BTBD9: variants seen among roughly 807,000 people sequenced by gnomAD.
The protein encoded by BTBD9 is BTB domain containing 9.
A neutral mutation model predicts 64.3 loss-of-function variants in BTBD9; 49 were observed. The observed-to-expected ratio is 0.76, with a 90% CI of 0.61 to 0.97. The LOEUF (loss-of-function observed/expected upper bound fraction) is 0.97. Ranked by LOEUF, BTBD9 falls within the 50% of genes least tolerant of loss-of-function variation. The pLI is 0.00. For synonymous variants in BTBD9, 260 were observed against 274.7 expected, an observed-to-expected ratio of 0.95 and a Z score of 0.53; for missense variants, 598 against 762.1, an observed-to-expected ratio of 0.78 and a Z score of 2.53.
At chr6:38,569,779 G>A (rs942840404) in intron 6 of BTBD9, among the ~76,000 whole-genome samples, 3 of 151,876 alleles carry the variant, frequency 2.0e-5, no homozygotes, top group African/African-American at 7.3e-5. Flanking sequence ...AACATGGCGG[G>A]GTTTTGGGGG....
chr6:38,576,574 T>A (rs1776044382), intron 6 of BTBD9, among the ~76,000 whole-genome samples: 1 of 152,192 alleles, frequency 6.6e-6, no homozygotes, highest in Non-Finnish European at 1.5e-5. Context: ...TAAGAGTAAC[T>A]TCTGACCAAG....
At chr6:38,525,921 T>C (rs1323316466) in intron 6 of BTBD9, among the ~76,000 whole-genome samples, 2 of 152,230 alleles carry the variant, frequency 1.3e-5, no homozygotes, top group East Asian at 3.8e-4. Flanking sequence ...TGTAAAAGTT[T>C]GGAAAATTTG....
intron 8 of BTBD9, among the ~76,000 whole-genome samples, chr6:38,284,680 G>A (rs1186444111): frequency 6.6e-6 from 1 of 152,182 alleles, no homozygotes. Context: ...GAGGCAGCAA[G>A]TGAACATTTA....
intron 8 of BTBD9, among the ~76,000 whole-genome samples, chr6:38,278,227 C>T (rs188681979): frequency 6.6e-6 from 1 of 152,276 alleles, no homozygotes; most frequent in Non-Finnish European, 1.5e-5. Context: ...GTAGAGATCA[C>T]TGAATTGCAG....
intron 9 of BTBD9, among the ~76,000 whole-genome samples, chr6:38,218,644 A>G (rs994546174): frequency 5.3e-5 from 8 of 152,202 alleles, no homozygotes; most frequent in Non-Finnish European, 1.2e-4. Context: ...CTGGTCTGGA[A>G]TGTCTACCAC....
chr6:38,481,350 G>A (rs1012423008), intron 6 of BTBD9, among the ~76,000 whole-genome samples: 6 of 152,206 alleles, frequency 3.9e-5, no homozygotes, highest in African/African-American at 1.2e-4. Flanking sequence ...ACAGCACAGT[G>A]AGTGCAAAAT....
chr6:38,571,152 CT>C (rs1227681827), intron 6 of BTBD9, among the ~76,000 whole-genome samples: 3 of 152,162 alleles, frequency 2.0e-5, no homozygotes, highest in Non-Finnish European at 4.4e-5. Flanking sequence ...TAAGGCATTT[CT>C]TGAATTGTGA....
rs189007532 is a variant in BTBD9, at chr6:38,212,310, C to A, written c.1563-19713G>T. Among the ~76,000 whole-genome samples, 27 of 152,266 alleles carry A rather than the reference C, an allele frequency of 1.8e-4. No homozygotes were observed. In the East Asian group the frequency reaches 4.8e-3, roughly 27 times the overall value. ...ACACTGGTCTGTGCTGAGGGGCCTG[C>A]CTGGGGCTGTGGTTTCATGTGTGTG... is the stretch of plus-strand genomic sequence containing the variant. On this transcript the variant is annotated intron_variant, in intron 9 of 10. Coordinates refer to ENST00000481247, the MANE Select transcript of BTBD9 (RefSeq NM_001099272.2).
chr6:38,396,891 CTTT>C (rs1167468433), intron 6 of BTBD9, among the ~76,000 whole-genome samples: 1 of 130,980 alleles, frequency 7.6e-6, no homozygotes, highest in African/African-American at 2.9e-5. Context: ...TTCTTTTTTT[CTTT>C]TTCTTTTTTT....
At chr6:38,464,742 T>C (rs2127357472) in intron 6 of BTBD9, among the ~76,000 whole-genome samples, 1 of 152,282 alleles carries the variant, frequency 6.6e-6, no homozygotes, top group Middle Eastern at 3.4e-3. Flanking sequence ...GTGATCTGCC[T>C]GCCTCAGTCT....
chr6:38,544,965 A>G (rs905663858), intron 6 of BTBD9, among the ~76,000 whole-genome samples: 1 of 146,060 alleles, frequency 6.8e-6, no homozygotes, highest in African/African-American at 2.5e-5. Context: ...AAGAAGACTG[A>G]TAAGGGGAGA....
intron 10 of BTBD9, among the ~76,000 whole-genome samples, chr6:38,176,684 T>G (rs1055975708): frequency 1.3e-5 from 2 of 152,136 alleles, no homozygotes; most frequent in African/African-American, 4.8e-5. Context: ...TATGTGGAGA[T>G]CTGAACACTA....
At chr6:38,498,112 CCAACAAATTAT>C (rs879670916) in intron 6 of BTBD9, among the ~76,000 whole-genome samples, 16 of 152,166 alleles carry the variant, frequency 1.1e-4, no homozygotes, top group Non-Finnish European at 2.1e-4. Flanking sequence ...CAAGTGATTC[CCAACAAATTAT>C]CAGACACAGA....
At chr6:38,261,838 G>A (rs563888970) in intron 8 of BTBD9, among the ~76,000 whole-genome samples, 1 of 152,214 alleles carries the variant, frequency 6.6e-6, no homozygotes, top group Non-Finnish European at 1.5e-5. Context: ...GTGGAAAAGG[G>A]ACACTGACGG....
At chr6:38,301,164 A>G (rs1165804337) in intron 7 of BTBD9, among the ~76,000 whole-genome samples, 1 of 152,152 alleles carries the variant, frequency 6.6e-6, no homozygotes, top group Non-Finnish European at 1.5e-5. Context: ...GATTATGTTT[A>G]TTGATTTTCG....
intron 6 of BTBD9, among the ~76,000 whole-genome samples, chr6:38,455,162 CT>C (rs1255081463): frequency 6.6e-6 from 1 of 152,138 alleles, no homozygotes; most frequent in Non-Finnish European, 1.5e-5. Context: ...AAAAGTCCCC[CT>C]TTTGGTGTAC....
At chr6:38,298,926 T>A (rs1156709873) in intron 7 of BTBD9, among the ~76,000 whole-genome samples, 1 of 152,026 alleles carries the variant, frequency 6.6e-6, no homozygotes, top group Non-Finnish European at 1.5e-5. Context: ...TACATATGTA[T>A]ACATGTGCCA....
rs111708838 is a variant in BTBD9, at chr6:38,633,820, G to A, written c.-28+5980C>T. 9.1e-3 allele frequency among the ~76,000 whole-genome samples: 1,374 copies of A among 151,698 alleles called. 20 individuals are homozygous for A. Among genetic ancestry groups the A allele is most frequent in the African/African-American group, 0.031 (1,261 of 41,332 alleles). ...AAAAAAAATATACATCTCTATACGCGTCATGGCCCCATCCCTATACTCGTC... is the reference window on the plus strand; with the variant it reads ...AAAAAAAATATACATCTCTATACGCATCATGGCCCCATCCCTATACTCGTC... On this transcript the variant is annotated intron_variant, in intron 1 of 10. Transcript: ENST00000481247.
At chr6:38,392,307 C>T (rs1283502306) in intron 6 of BTBD9, among the ~76,000 whole-genome samples, 11 of 152,134 alleles carry the variant, frequency 7.2e-5, no homozygotes, top group East Asian at 1.9e-4. Flanking sequence ...AAACAGACTG[C>T]GTTACCTTGG....
Sources: allele counts gnomAD v4.1 joint callset (sites outside exome capture counted in the v4.1 genomes callset), GRCh38; gene constraint gnomAD v4.1.1; transcripts MANE v1.5; gene names NCBI Gene and HGNC (gene_info 2026-07-23, HGNC 2026-07-21).